The following TP53BP2 variants were observed in gnomAD, a reference collection of about 807,000 sequenced individuals.
TP53BP2 encodes the protein tumor protein p53 binding protein 2.
TP53BP2 carries 62 observed loss-of-function variants against 126.2 expected under a neutral mutation model. That is an observed-to-expected ratio of 0.49 (90% CI 0.40 to 0.61). TP53BP2 has a LOEUF of 0.61. Among genes scored for constraint, TP53BP2 ranks in the 20% least tolerant of loss-of-function variants. TP53BP2 has a pLI of 0.00. For synonymous variants in TP53BP2, 485 were observed against 502.9 expected, an observed-to-expected ratio of 0.96 and a Z score of 0.48; for missense variants, 1,215 against 1,402.8, an observed-to-expected ratio of 0.87 and a Z score of 2.14.
At chr1:223,832,872 T>A (rs1228645931) in intron 1 of TP53BP2, among the ~76,000 whole-genome samples, 1 of 152,206 alleles carries the variant, frequency 6.6e-6, no homozygotes, top group African/African-American at 2.4e-5. Flanking sequence ...GCTGCTCCAC[T>A]ACCCCAGCTT....
intron 1 of TP53BP2, among the ~76,000 whole-genome samples, chr1:223,836,231 G>A (rs751108348): frequency 7.2e-5 from 11 of 152,238 alleles, no homozygotes; most frequent in African/African-American, 1.9e-4. Context: ...GTCCGATGGA[G>A]CGGAGCACGT....
chr1:223,812,862 T>C (rs1662958939), intron 3 of TP53BP2, among the ~76,000 whole-genome samples: 1 of 151,640 alleles, frequency 6.6e-6, no homozygotes, highest in African/African-American at 2.4e-5. Context: ...ATACCCGGCC[T>C]AATTTTTGTA....
At chr1:223,841,273 G>A (rs552933743) in intron 1 of TP53BP2, among the ~76,000 whole-genome samples, 27 of 76,450 alleles carry the variant, frequency 3.5e-4, no homozygotes, top group African/African-American at 2.0e-3. Flanking sequence ...ATAAATAAAA[G>A]AAATATTTTG....
At chr1:223,781,553 C>G (rs1396203545) in intron 17 of TP53BP2, among the ~76,000 whole-genome samples, 2 of 151,954 alleles carry the variant, frequency 1.3e-5, no homozygotes, top group Non-Finnish European at 2.9e-5. Flanking sequence ...AAAAGCAGCC[C>G]CTCTTGACAA....
intron 13 of TP53BP2, 74 bp from the exon 14 acceptor site, chr1:223,793,514 T>A: frequency 1.5e-6 from 2 of 1,365,014 alleles, no homozygotes; most frequent in East Asian, 2.6e-5. Context: ...TGGGAAGGAA[T>A]GACTTCTCAC....
intron 10 of TP53BP2, 31 bp from the exon 11 acceptor site, chr1:223,800,078 A>C (rs571797518): frequency 6.3e-7 from 1 of 1,579,566 alleles, no homozygotes; most frequent in Non-Finnish European, 8.6e-7. Flanking sequence ...ATGACATTCA[A>C]ACTGTTTAGA....
chr1:223,792,513 G>A lies in TP53BP2; in HGVS notation c.2872C>T (p.Pro958Ser). ...ATGCCTTCATCATTGGGGAGGCTTG[G>A]GTCATCAACCTATATCAAGAAGAAG... ...VQRIIYEVDD[P>S]SLPNDEGITA... is the part of the protein sequence containing the mutation. Residue 958 changes from proline to serine, a missense_variant, in exon 15 of 18, where the codon CCA becomes TCA. This residue lies in a region of TP53BP2 where 151 missense variants were observed against 231.2 expected (regional missense o/e 0.65). Transcript: ENST00000343537. The A allele has an allele frequency of 1.2e-6, 2 of 1,613,860 alleles. No homozygotes were observed. The highest frequency in any genetic ancestry group is 1.7e-6 in the Non-Finnish European group (2 of 1,179,864).
intron 14 of TP53BP2, 104 bp downstream of exon 14, chr1:223,793,199 C>G (rs566586321): frequency 1.4e-6 from 1 of 735,620 alleles, no homozygotes; most frequent in East Asian, 4.3e-5. Flanking sequence ...AGCTTTAAAA[C>G]AAAATACAAG....
Position 223,845,714 on chromosome 1 carries a change from G to A in TP53BP2, c.-34C>T, listed in dbSNP as rs371192102. The A allele has an allele frequency of 2.0e-5, 31 of 1,524,194 alleles. No homozygotes were observed. In the East Asian group the frequency reaches 5.7e-4, roughly 28 times the overall value. 94.4% of individuals were successfully genotyped at this position (1,524,194 alleles called of 1,614,324 possible). On this transcript the variant is annotated 5_prime_UTR_variant, in exon 1 of 18. Transcript: ENST00000343537. ...GTGGCCAGACTGCGGCCCCGGCCGA[G>A]CTGAGGTGCCCCGGAGGGTCGCGGA...
intron 16 of TP53BP2, among the ~76,000 whole-genome samples, chr1:223,786,606 G>GTGTGTA (rs1234487844): frequency 3.3e-5 from 5 of 150,262 alleles, no homozygotes; most frequent in African/African-American, 9.9e-5. Context: ...GTGTGTGTGT[G>GTGTGTA]TATATTTTTT....
At chr1:223,822,617 A>G (rs1663350594) in intron 1 of TP53BP2, among the ~76,000 whole-genome samples, 1 of 151,762 alleles carries the variant, frequency 6.6e-6, no homozygotes, top group African/African-American at 2.4e-5. Flanking sequence ...TGTAGTGAGA[A>G]GTGACTGCAC....
intron 1 of TP53BP2, among the ~76,000 whole-genome samples, chr1:223,830,617 G>A (rs1025684831): frequency 6.6e-6 from 1 of 150,506 alleles, no homozygotes; most frequent in African/African-American, 2.4e-5. Context: ...TATATAGTAA[G>A]ATGGAAAACT....
chr1:223,845,711 C>T lies in TP53BP2; in HGVS notation c.-31G>A, dbSNP rs775386369. 9.2e-6 allele frequency: 14 copies of T among 1,525,714 alleles called. No individual in the cohort carries two copies. The highest frequency in any genetic ancestry group is 3.5e-4 in the Middle Eastern group (2 of 5,796). The allele number at this position is 1,525,714 out of a possible 1,614,324, so 94.5% of individuals were successfully genotyped here. ...CGGGTGGCCAGACTGCGGCCCCGGC[C>T]GAGCTGAGGTGCCCCGGAGGGTCGC... On this transcript the variant is annotated 5_prime_UTR_variant, in exon 1 of 18. Transcript: ENST00000343537.
Position 223,845,935 on chromosome 1 carries a change from C to T in TP53BP2, c.-255G>A, listed in dbSNP as rs1488504539. ...CTCGTGACGGTCGGGGCTCCCTCCT[C>T]CGCTCCGAAACCAACTAATCCCGGG... On this transcript the variant is annotated 5_prime_UTR_variant, in exon 1 of 18. Transcript: ENST00000343537. The T allele has an allele frequency of 4.2e-6, 1 of 235,730 alleles. No individual in the cohort carries two copies. Among genetic ancestry groups the T allele is most frequent in the Non-Finnish European group, 8.1e-6 (1 of 123,770 alleles). The allele number at this position is 235,730 out of a possible 1,614,324, so 14.6% of individuals were successfully genotyped here. A position where few individuals can be genotyped will look rare whatever the true frequency, so the allele number is the denominator to read the frequency against.
At position 223,795,886 on chromosome 1, in the gene TP53BP2, G is replaced by C. The variant is rs765530628; in HGVS notation, c.2653C>G (p.Pro885Ala). Residue 885 changes from proline to alanine, a missense_variant, in exon 13 of 18, where the codon CCT becomes GCT. Physicochemically the swap from Pro to Ala is conservative, Grantham distance 27. This residue lies in a region of TP53BP2 where 204 missense variants were observed against 225.7 expected (regional missense o/e 0.90). Transcript: ENST00000343537. Reference sequence around the variant, plus strand: ...ACCGAGTCTTCTCCGGGCCCTTCAGGCTCCCCAGATGGGTATGGTGGGGGT... The same window carrying C: ...ACCGAGTCTTCTCCGGGCCCTTCAGCCTCCCCAGATGGGTATGGTGGGGGT... Reference protein sequence around the residue: ...YPPPPYPSGEPEGPGEDSVSM... With the variant: ...YPPPPYPSGEAEGPGEDSVSM... 5.6e-6 allele frequency: 9 copies of C among 1,605,502 alleles called. No individual in the cohort carries two copies. The South Asian group carries it at 1.0e-4, about 18-fold the overall frequency.
At chr1:223,787,204 A>G (rs537147387) in intron 16 of TP53BP2, among the ~76,000 whole-genome samples, 57 of 152,232 alleles carry the variant, frequency 3.7e-4, no homozygotes, top group African/African-American at 1.3e-3. Context: ...CCAACACATT[A>G]TACCGGTTAA....
rs1182118719 is a variant in TP53BP2, at chr1:223,803,444, T to C, written c.658A>G (p.Ile220Val). ...TGGAACAAATTATTCATCTGTTCAA[T>C]TTCCTCCACTAGATGAGACAGAGAA... ...RLSNGKLVEEIEQMNNLFQQK... is the reference protein window; with the variant it reads ...RLSNGKLVEEVEQMNNLFQQK... Residue 220 changes from isoleucine (I) to valine (V), a missense_variant, in exon 7 of 18, where the codon ATT (isoleucine) becomes GTT (valine). Coordinates refer to ENST00000343537, the MANE Select transcript of TP53BP2 (RefSeq NM_001031685.3). 1 of 1,611,292 alleles carries C rather than the reference T, an allele frequency of 6.2e-7. No homozygotes were observed. The highest frequency in any genetic ancestry group is 8.5e-7 in the Non-Finnish European group (1 of 1,178,522).
At chr1:223,809,030 T>G (rs1282000241) in intron 4 of TP53BP2, among the ~76,000 whole-genome samples, 1 of 152,090 alleles carries the variant, frequency 6.6e-6, no homozygotes, top group African/African-American at 2.4e-5. Context: ...TATGATCGCT[T>G]TGGAAACACT....
chr1:223,811,896 C>T (rs1433402843), intron 3 of TP53BP2, among the ~76,000 whole-genome samples: 1 of 152,122 alleles, frequency 6.6e-6, no homozygotes, highest in Non-Finnish European at 1.5e-5. Context: ...ATTACTGACA[C>T]TGAAACTGCA....
Sources: allele counts gnomAD v4.1 joint callset (sites outside exome capture counted in the v4.1 genomes callset), GRCh38; gene constraint gnomAD v4.1.1; regional missense constraint gnomAD v4.1.1; transcripts MANE v1.5; gene names NCBI Gene and HGNC (gene_info 2026-07-23, HGNC 2026-07-21).